SUSD6: variants seen among roughly 807,000 people sequenced by gnomAD.
SUSD6 encodes the protein sushi domain containing 6.
A neutral mutation model predicts 28.4 loss-of-function variants in SUSD6; 16 were observed. That is an observed-to-expected ratio of 0.56 (90% CI 0.38 to 0.86). The LOEUF is 0.86. Among genes scored for constraint, SUSD6 ranks in the 40% least tolerant of loss-of-function variants. The pLI is 0.00. For synonymous variants in SUSD6, 147 were observed against 159.6 expected (o/e 0.92, Z 0.59); for missense variants, 341 against 384.2 (o/e 0.89, Z 0.94).
intron 1 of SUSD6, among the ~76,000 whole-genome samples, chr14:69,655,186 C>G (rs1295650146): frequency 2.0e-5 from 3 of 151,890 alleles, no homozygotes; most frequent in Admixed American, 6.6e-5. Context: ...ATGCATATAC[C>G]CAGGTTATTT....
chr14:69,711,103 C>G lies in SUSD6; in HGVS notation c.*124C>G. 3.2e-6 allele frequency: 3 copies of G among 944,872 alleles called. No individual in the cohort carries two copies. Among genetic ancestry groups the G allele is most frequent in the South Asian group, 2.8e-5 (2 of 72,696 alleles). 58.5% of individuals were successfully genotyped at this position (944,872 alleles called of 1,614,324 possible). ...GATACCTGAGCTGCCACCTGTGTAT[C>G]TGTGTATCTCTGAGGGCCCTATAGG... On this transcript the variant is annotated 3_prime_UTR_variant, in exon 6 of 6. Transcript: ENST00000342745.
At chr14:69,649,328 C>T (rs746212917) in intron 1 of SUSD6, among the ~76,000 whole-genome samples, 12 of 152,060 alleles carry the variant, frequency 7.9e-5, no homozygotes, top group South Asian at 4.1e-4. Context: ...ATCGGCTTCC[C>T]GGACTTTATT....
intron 1 of SUSD6, among the ~76,000 whole-genome samples, chr14:69,614,478 A>C (rs1884930328): frequency 6.6e-6 from 1 of 152,052 alleles, no homozygotes; most frequent in Non-Finnish European, 1.5e-5. Context: ...GCACACACAC[A>C]CCCCTTCCAA....
intron 1 of SUSD6, among the ~76,000 whole-genome samples, chr14:69,656,410 C>T (rs531783582): frequency 1.3e-4 from 20 of 152,186 alleles, no homozygotes; most frequent in African/African-American, 1.7e-4. Flanking sequence ...GACAACTGCC[C>T]GGTAGGGTTA....
At chr14:69,660,526 G>T (rs1020799346) in intron 2 of SUSD6, among the ~76,000 whole-genome samples, 3 of 152,226 alleles carry the variant, frequency 2.0e-5, no homozygotes, top group Admixed American at 1.3e-4. Context: ...ATGAAGCAGA[G>T]CCTCCTTTCA....
chr14:69,625,066 T>C (rs1284073416), intron 1 of SUSD6, among the ~76,000 whole-genome samples: 1 of 152,224 alleles, frequency 6.6e-6, no homozygotes, highest in Non-Finnish European at 1.5e-5. Context: ...GATACTTAAA[T>C]GGCAGTTTGG....
intron 5 of SUSD6, among the ~76,000 whole-genome samples, chr14:69,710,509 T>C (rs1886447740): frequency 6.6e-6 from 1 of 152,208 alleles, no homozygotes; most frequent in African/African-American, 2.4e-5. Context: ...TTGGGACTGA[T>C]AATACCCTAG....
chr14:69,656,660 CAGGCACTT>C (rs1286105429), intron 1 of SUSD6, among the ~76,000 whole-genome samples: 19 of 45,714 alleles, frequency 4.2e-4, no homozygotes, highest in Non-Finnish European at 7.0e-4. Context: ...AGCACTTTGC[CAGGCACTT>C]TGTCTATCCT....
intron 2 of SUSD6, among the ~76,000 whole-genome samples, chr14:69,663,193 A>C (rs544317245): frequency 2.8e-4 from 43 of 152,324 alleles, no homozygotes; most frequent in Middle Eastern, 6.8e-3. Context: ...CTGACTCATA[A>C]AAAGTTTTTG....
chr14:69,684,691 T>C (rs1886046720), intron 2 of SUSD6, among the ~76,000 whole-genome samples: 1 of 152,250 alleles, frequency 6.6e-6, no homozygotes. Context: ...GAATGAGCAG[T>C]TCCTCTTTGG....
Position 69,707,772 on chromosome 14 carries a change from A to G in SUSD6, c.459-905A>G, listed in dbSNP as rs548352237. On this transcript the variant is annotated intron_variant, in intron 4 of 5. Transcript: ENST00000342745. Reference sequence around the variant, plus strand: ...AAAAGAAAAACAATTTTTTTAATTAAAAAAAAATATATGCAAAACTAAACC... The same window carrying G: ...AAAAGAAAAACAATTTTTTTAATTAGAAAAAAATATATGCAAAACTAAACC... 3.3e-5 allele frequency among the ~76,000 whole-genome samples: 5 copies of G among 152,082 alleles called. No individual in the cohort carries two copies. In the East Asian group the frequency reaches 9.6e-4, roughly 29 times the overall value.
intron 2 of SUSD6, among the ~76,000 whole-genome samples, chr14:69,702,045 C>T (rs1886319755): frequency 6.6e-6 from 1 of 152,026 alleles, no homozygotes; most frequent in South Asian, 2.1e-4. Flanking sequence ...GTGGTCTGCC[C>T]CTCTCGTGGA....
At chr14:69,638,982 A>T (rs1023039059) in intron 1 of SUSD6, among the ~76,000 whole-genome samples, 4 of 152,230 alleles carry the variant, frequency 2.6e-5, no homozygotes, top group South Asian at 4.1e-4. Flanking sequence ...GTGTGTGCTT[A>T]CTCACAACAA....
chr14:69,705,193 C>T (rs1010135103), intron 4 of SUSD6, among the ~76,000 whole-genome samples: 1 of 151,876 alleles, frequency 6.6e-6, no homozygotes, highest in African/African-American at 2.4e-5. Context: ...TGGCGCGCGC[C>T]TGTAGTCCCA....
intron 2 of SUSD6, among the ~76,000 whole-genome samples, chr14:69,674,705 T>G (rs1268495178): frequency 6.6e-6 from 1 of 152,048 alleles, no homozygotes; most frequent in Non-Finnish European, 1.5e-5. Flanking sequence ...AGCCTGATGG[T>G]GTTTGTATTG....
intron 2 of SUSD6, among the ~76,000 whole-genome samples, chr14:69,680,744 C>T (rs143110635): frequency 2.8e-4 from 43 of 152,242 alleles, no homozygotes; most frequent in Non-Finnish European, 5.6e-4. Context: ...TATGCTGTTC[C>T]CTCCAACTCA....
chr14:69,646,988 AC>A (rs1488943448), intron 1 of SUSD6, among the ~76,000 whole-genome samples: 1 of 152,210 alleles, frequency 6.6e-6, no homozygotes, highest in Non-Finnish European at 1.5e-5. Context: ...GGCATGAGCC[AC>A]AGTGCCCAGC....
chr14:69,697,798 G>A (rs1276215208), intron 2 of SUSD6, among the ~76,000 whole-genome samples: 1 of 152,132 alleles, frequency 6.6e-6, no homozygotes, highest in Non-Finnish European at 1.5e-5. Flanking sequence ...GACACCCCAG[G>A]CTATTAGAAA....
intron 2 of SUSD6, among the ~76,000 whole-genome samples, chr14:69,702,551 A>G (rs1034228260): frequency 1.3e-5 from 2 of 152,204 alleles, no homozygotes; most frequent in African/African-American, 4.8e-5. Flanking sequence ...GGTAACCTTG[A>G]CACCCATACC....
Sources: gnomAD v4.1 joint callset for allele counts (sites outside exome capture counted in the v4.1 genomes callset) on GRCh38, gnomAD v4.1.1 for gene constraint, MANE v1.5 for transcripts, NCBI Gene and HGNC (gene_info 2026-07-23, HGNC 2026-07-21) for gene names.